GLRA1: variants seen among roughly 807,000 people sequenced by gnomAD.
GLRA1 encodes the protein glycine receptor subunit alpha-1.
GLRA1 carries 37 observed loss-of-function variants against 48.3 expected under a neutral mutation model. The ratio of observed to expected loss-of-function variants is 0.77; its 90% CI spans 0.59 to 1.01. GLRA1 has a LOEUF of 1.01. Among genes scored for constraint, GLRA1 ranks in the 50% least tolerant of loss-of-function variants. The pLI is 0.00. For synonymous variants in GLRA1, 196 were observed against 210.7 expected, an observed-to-expected ratio of 0.93 and a Z score of 0.60; for missense variants, 427 against 571.0, an observed-to-expected ratio of 0.75 and a Z score of 2.57.
chr5:151,842,056 TAA>T (rs57043035), intron 7 of GLRA1, among the ~76,000 whole-genome samples: 35,659 of 129,188 alleles, frequency 0.28, 4,534 homozygotes, highest in South Asian at 0.41. Context: ...AAACTCCATC[TAA>T]AAAAAAAAAA....
intron 3 of GLRA1, among the ~76,000 whole-genome samples, chr5:151,862,247 G>T (rs1401229707): frequency 6.6e-6 from 1 of 152,118 alleles, no homozygotes; most frequent in Non-Finnish European, 1.5e-5. Flanking sequence ...GCCGAAACTG[G>T]ATCCCTTCCT....
At chr5:151,858,608 A>G (rs1190956276) in intron 4 of GLRA1, among the ~76,000 whole-genome samples, 1 of 152,142 alleles carries the variant, frequency 6.6e-6, no homozygotes, top group Non-Finnish European at 1.5e-5. Flanking sequence ...GAGGAAGGCC[A>G]TGTAAGCCTC....
rs886060283 is a variant in GLRA1, at chr5:151,924,820, C to G, written c.-271G>C. The G allele has an allele frequency of 1.8e-6, 1 of 547,166 alleles. No homozygotes were observed. The highest frequency in any genetic ancestry group is 3.1e-5 in the East Asian group (1 of 31,758). The allele number at this position is 547,166 out of a possible 1,614,324, so 33.9% of individuals were successfully genotyped here. On this transcript the variant is annotated 5_prime_UTR_variant, in exon 1 of 9. Coordinates refer to ENST00000274576, the MANE Select transcript of GLRA1 (RefSeq NM_000171.4). ...GCGAAGAGTATTGCTGTTTGTTAAA[C>G]TCCAGCGTGTCTGTTGGCTCCCTGC... is the stretch of plus-strand genomic sequence containing the variant.
At chr5:151,920,216 A>T (rs1219950460) in intron 1 of GLRA1, among the ~76,000 whole-genome samples, 1 of 152,154 alleles carries the variant, frequency 6.6e-6, no homozygotes, top group Non-Finnish European at 1.5e-5. Flanking sequence ...TTTGATGAAG[A>T]TCTTATTAGG....
chr5:151,891,465 A>G (rs1401368142), intron 2 of GLRA1, among the ~76,000 whole-genome samples: 2 of 152,206 alleles, frequency 1.3e-5, no homozygotes, highest in African/African-American at 4.8e-5. Flanking sequence ...GAAGTCTCAC[A>G]TAGATCTCGG....
chr5:151,893,335 T>C (rs532697410), intron 1 of GLRA1, among the ~76,000 whole-genome samples: 1 of 150,494 alleles, frequency 6.6e-6, no homozygotes, highest in South Asian at 2.1e-4. Context: ...TTTCTTTCTT[T>C]CTTTCTTTCT....
rs550493828 is a variant in GLRA1 at position 151,829,082 on chromosome 5, G to A, written c.913-15C>T. ...ACATAGGACACCTAGAGTGGGGGTGGAGGAGAAACAGGGAGGTGAAAGCAG... is the reference window on the plus strand; with the variant it reads ...ACATAGGACACCTAGAGTGGGGGTGAAGGAGAAACAGGGAGGTGAAAGCAG... On this transcript the variant is annotated splice_polypyrimidine_tract_variant and intron_variant, in intron 7 of 8. Transcript: ENST00000274576. 6.2e-7 allele frequency: 1 copy of A among 1,613,118 alleles called. No homozygotes were observed. The highest frequency in any genetic ancestry group is 1.1e-5 in the South Asian group (1 of 91,028).
chr5:151,880,642 A>G (rs1753739038), intron 3 of GLRA1, among the ~76,000 whole-genome samples: 1 of 152,228 alleles, frequency 6.6e-6, no homozygotes, highest in Admixed American at 6.5e-5. Flanking sequence ...GTTTATATAC[A>G]GTTCTACACA....
At chr5:151,899,100 C>G (rs1379176438) in intron 1 of GLRA1, among the ~76,000 whole-genome samples, 1 of 152,160 alleles carries the variant, frequency 6.6e-6, no homozygotes, top group African/African-American at 2.4e-5. Context: ...TGGGTAGGCT[C>G]TGTCTTGTTC....
chr5:151,850,005 G>C, intron 7 of GLRA1: 2 of 1,602,328 alleles, frequency 1.2e-6, no homozygotes, highest in Non-Finnish European at 1.7e-6. Flanking sequence ...AGCCTGCAGT[G>C]ACCAATTTGA....
chr5:151,829,331 TAGAAC>T (rs1322814566), intron 7 of GLRA1, among the ~76,000 whole-genome samples: 1 of 152,226 alleles, frequency 6.6e-6, no homozygotes, highest in African/African-American at 2.4e-5. Flanking sequence ...CATTATCATT[TAGAAC>T]AGAATGCTGT....
In GLRA1 at chr5:151,859,788, A is replaced by G. The variant is rs371331129; in HGVS notation, c.473T>C (p.Ile158Thr). The G allele has an allele frequency of 1.1e-5, 17 of 1,606,974 alleles. No homozygotes were observed. Among genetic ancestry groups the G allele is most frequent in the Non-Finnish European group, 1.4e-5 (17 of 1,173,660 alleles). ...GGTGAACCTGGTCAGAACTCACCTG[A>G]TGCTGTAGAGGACATTCCCATTCCG... ...ISRNGNVLYS[I>T]RITLTLACPM... Residue 158 changes from isoleucine to threonine, a missense_variant, in exon 4 of 9, where the codon ATC becomes ACC. Physicochemically the swap from Ile to Thr is moderately conservative, Grantham distance 89. Transcript: ENST00000274576.
At chr5:151,846,611 A>G (rs1752677458) in intron 7 of GLRA1, among the ~76,000 whole-genome samples, 1 of 152,210 alleles carries the variant, frequency 6.6e-6, no homozygotes, top group African/African-American at 2.4e-5. Flanking sequence ...ATGGCAAATG[A>G]AACAGAATGT....
chr5:151,851,711 G>T, intron 6 of GLRA1, 107 bp from the exon 7 acceptor site: 1 of 754,542 alleles, frequency 1.3e-6, no homozygotes, highest in Non-Finnish European at 2.4e-6. Flanking sequence ...CACACTACCT[G>T]TGTCCTTAGA....
At chr5:151,922,512 G>C (rs975865066) in intron 1 of GLRA1, among the ~76,000 whole-genome samples, 2 of 152,162 alleles carry the variant, frequency 1.3e-5, no homozygotes, top group African/African-American at 2.4e-5. Flanking sequence ...TGAAAGTGCA[G>C]TGGTGCCACC....
intron 2 of GLRA1, among the ~76,000 whole-genome samples, chr5:151,887,206 A>G (rs2113408098): frequency 1.3e-5 from 2 of 152,338 alleles, no homozygotes; most frequent in Admixed American, 1.3e-4. Context: ...CAACTTATGA[A>G]CCAAGAATGA....
At chr5:151,863,968 A>G (rs970983111) in intron 3 of GLRA1, among the ~76,000 whole-genome samples, 2 of 152,126 alleles carry the variant, frequency 1.3e-5, no homozygotes, top group African/African-American at 2.4e-5. Context: ...TGGCCTCATA[A>G]TCTCACATCT....
In GLRA1 at chr5:151,872,468, C is replaced by CT. The variant is rs1159769014; in HGVS notation, c.253-12461dup. Among the ~76,000 whole-genome samples the CT allele has an allele frequency of 7.3e-5, 11 of 149,744 alleles. No individual in the cohort carries two copies. The East Asian group carries it at 2.1e-3, about 29-fold the overall frequency. On this transcript the variant is annotated intron_variant, in intron 3 of 8. Coordinates refer to ENST00000274576, the MANE Select transcript of GLRA1 (RefSeq NM_000171.4). ...TTGTAGGGAATGTAAATTATTGAAG[C>CT]TTTTTTGGGAAGGGAATTGGGCAAA...
intron 8 of GLRA1, among the ~76,000 whole-genome samples, chr5:151,827,408 T>C (rs1424519749): frequency 2.0e-5 from 3 of 152,198 alleles, no homozygotes; most frequent in African/African-American, 4.8e-5. Context: ...AGATTGCTGA[T>C]GTTTAAGAAA....
Sources: gnomAD v4.1 joint callset for allele counts (sites outside exome capture counted in the v4.1 genomes callset) on GRCh38, gnomAD v4.1.1 for gene constraint, MANE v1.5 for transcripts, NCBI Gene and HGNC (gene_info 2026-07-23, HGNC 2026-07-21) for gene names.